ACCSL: variants seen among roughly 807,000 people sequenced by gnomAD.
ACCSL encodes probable inactive 1-aminocyclopropane-1-carboxylate synthase-like protein 2.
In ACCSL, 55 loss-of-function variants were observed where a neutral mutation model predicts 61.7. The ratio of observed to expected loss-of-function variants is 0.89; its 90% CI spans 0.72 to 1.12. The LOEUF (loss-of-function observed/expected upper bound fraction) is 1.12. Ranked by LOEUF, ACCSL falls within the 50% of genes most tolerant of loss-of-function variation. The pLI is 0.00. For missense variants in ACCSL, 632 were observed against 698.0 expected, an observed-to-expected ratio of 0.91 and a Z score of 1.07; for synonymous variants, 258 against 264.3, an observed-to-expected ratio of 0.98 and a Z score of 0.23.
the ACCSL span, among the ~76,000 whole-genome samples, chr11:43,921,467 G>T: frequency 1.3e-5 from 2 of 152,210 alleles, no homozygotes; most frequent in African/African-American, 4.8e-5. Context: ...TGTGAGGGAG[G>T]TTCAAATCAC....
chr11:44,004,393 A>G, the ACCSL span, among the ~76,000 whole-genome samples: 3 of 151,900 alleles, frequency 2.0e-5, no homozygotes, highest in African/African-American at 7.3e-5. Context: ...CAAGAGCAAG[A>G]GGTGAGAAAA....
intron 5 of ACCSL, among the ~76,000 whole-genome samples, chr11:44,052,157 A>G (rs1952643541): frequency 6.6e-6 from 1 of 152,262 alleles, no homozygotes; most frequent in Non-Finnish European, 1.5e-5. Context: ...CTCCAATGTT[A>G]AAGAGCTCTG....
At chr11:44,014,493 G>T in the ACCSL span, among the ~76,000 whole-genome samples, 1 of 39,584 alleles carries the variant, frequency 2.5e-5, no homozygotes, top group Non-Finnish European at 6.0e-5. Context: ...CAGAGAGAGA[G>T]AGAGAGAGAG....
At chr11:44,020,418 A>G in the ACCSL span, among the ~76,000 whole-genome samples, 46,350 of 151,992 alleles carry the variant, frequency 0.3, 7,286 homozygotes, top group East Asian at 0.4. Flanking sequence ...TATTACAAGG[A>G]GAATTTTAAG....
the ACCSL span, among the ~76,000 whole-genome samples, chr11:44,021,876 T>C: frequency 1.3e-5 from 2 of 152,194 alleles, no homozygotes; most frequent in Non-Finnish European, 2.9e-5. Flanking sequence ...GAATAGGGTG[T>C]CCCTTCCTCA....
chr11:43,973,410 ATATCTATCTATCTATC>A, the ACCSL span, among the ~76,000 whole-genome samples: 5,073 of 149,036 alleles, frequency 0.034, 253 homozygotes, highest in African/African-American at 0.1. Flanking sequence ...TGGTTTTGAG[ATATCTATCTATCTATC>A]TATCTATCTA....
At chr11:44,030,518 G>T in the ACCSL span, among the ~76,000 whole-genome samples, 1 of 151,760 alleles carries the variant, frequency 6.6e-6, no homozygotes, top group Non-Finnish European at 1.5e-5. Context: ...GCACAGGACT[G>T]CGTCCCTGTG....
chr11:43,988,994 C>G, the ACCSL span, among the ~76,000 whole-genome samples: 1 of 151,976 alleles, frequency 6.6e-6, no homozygotes, highest in Non-Finnish European at 1.5e-5. Flanking sequence ...TGTGACAGTG[C>G]GAAAGATTGG....
At chr11:43,930,544 C>T in the ACCSL span, among the ~76,000 whole-genome samples, 1 of 152,176 alleles carries the variant, frequency 6.6e-6, no homozygotes, top group East Asian at 1.9e-4. Flanking sequence ...GCTCTTGCTC[C>T]CTCTGTCACT....
upstream of ACCSL, among the ~76,000 whole-genome samples, chr11:44,043,501 G>A (rs1952585247): frequency 6.6e-6 from 1 of 152,142 alleles, no homozygotes; most frequent in African/African-American, 2.4e-5. Flanking sequence ...GATTGCTTTT[G>A]AGATGTTATC....
chr11:43,957,477 G>C, the ACCSL span, among the ~76,000 whole-genome samples: 1 of 152,174 alleles, frequency 6.6e-6, no homozygotes, highest in South Asian at 2.1e-4. Context: ...AATCCTCTAG[G>C]TAGCAGGCTT....
the ACCSL span, among the ~76,000 whole-genome samples, chr11:43,986,318 C>A: frequency 1.4e-5 from 2 of 138,452 alleles, no homozygotes; most frequent in African/African-American, 5.2e-5. Context: ...ACCCCCCACC[C>A]ACTCTTTTTA....
the ACCSL span, among the ~76,000 whole-genome samples, chr11:43,927,442 C>G: frequency 6.6e-6 from 1 of 152,228 alleles, no homozygotes; most frequent in Admixed American, 6.5e-5. Context: ...GCAATATGTA[C>G]TAGGCACTGC....
rs1189359442 is a variant in ACCSL, at chr11:44,058,383, C to T, written c.1394C>T (p.Thr465Ile). The T allele has an allele frequency of 1.2e-6, 2 of 1,614,174 alleles. No homozygotes were observed. Among genetic ancestry groups the T allele is most frequent in the Non-Finnish European group, 1.7e-6 (2 of 1,180,034 alleles). ...YRLREAHKYI[T>I]AELKALEIPF... is the part of the protein sequence containing the mutation. ...CTCCGGGAAGCTCACAAGTACATCA[C>T]TGCTGAGCTGAAGGCATTGGAGATC... Residue 465 changes from threonine (T) to isoleucine (I), a missense_variant, in exon 12 of 14, where the codon ACT becomes ATT. Thr to Ile is a moderately conservative substitution (Grantham distance 89, BLOSUM62 -1). Coordinates refer to ENST00000378832, the MANE Select transcript of ACCSL (RefSeq NM_001031854.2).
the ACCSL span, chr11:43,942,998 C>T: frequency 6.6e-7 from 1 of 1,505,972 alleles, no homozygotes; most frequent in Non-Finnish European, 8.9e-7. Flanking sequence ...GTTCCCGCAG[C>T]CCGTGCGGCC....
At chr11:43,932,756 G>T in the ACCSL span, among the ~76,000 whole-genome samples, 1 of 152,180 alleles carries the variant, frequency 6.6e-6, no homozygotes, top group African/African-American at 2.4e-5. Context: ...TTGAAAGGTG[G>T]ATTTGAACCA....
At chr11:43,991,090 G>A in the ACCSL span, among the ~76,000 whole-genome samples, 2 of 151,662 alleles carry the variant, frequency 1.3e-5, no homozygotes, top group Admixed American at 6.6e-5. Context: ...AAAAAAAAAA[G>A]TCTGATTAGT....
chr11:43,943,669 ACACT>A, the ACCSL span: 2 of 1,304,672 alleles, frequency 1.5e-6, no homozygotes, highest in East Asian at 5.5e-5. This position sits in a 1 kb window ranked among gnomAD's most constrained non-coding sequence, Gnocchi z 4.8. Context: ...ACACCCATTC[ACACT>A]CACGCCAACA....
At chr11:43,969,068 G>A in the ACCSL span, among the ~76,000 whole-genome samples, 1 of 152,150 alleles carries the variant, frequency 6.6e-6, no homozygotes, top group African/African-American at 2.4e-5. Context: ...CTTATTTGAT[G>A]CTGGGCAGAG....
Sources: gnomAD v4.1 joint callset for allele counts (sites outside exome capture counted in the v4.1 genomes callset) on GRCh38, gnomAD v4.1.1 for gene constraint, Gnocchi (gnomAD v3.1) non-coding constraint, MANE v1.5 for transcripts, NCBI Gene and HGNC (gene_info 2026-07-23, HGNC 2026-07-21) for gene names.